The following GBF1 variants were observed in gnomAD, a reference collection of about 807,000 sequenced individuals.
GBF1 encodes the protein Golgi-specific brefeldin A-resistance guanine nucleotide exchange factor 1.
Under a neutral mutation model 210.5 loss-of-function variants are expected in GBF1, and 114 were observed. The observed-to-expected ratio is 0.54, with a 90% CI of 0.47 to 0.63. The LOEUF (loss-of-function observed/expected upper bound fraction) is 0.63, where lower values mean the gene tolerates loss of function less well. Ranked by LOEUF, GBF1 falls within the 30% of genes least tolerant of loss-of-function variation. GBF1 has a pLI of 0.00. For synonymous variants in GBF1, 850 were observed against 889.2 expected (o/e 0.96, Z 0.78); for missense variants, 1,851 against 2,357.7 (o/e 0.79, Z 4.45).
rs761438996 is a variant in GBF1 at position 102,376,716 on chromosome 10, C to T, written c.4204C>T (p.Arg1402Cys). Residue 1402 changes from arginine (R) to cysteine (C), a missense_variant, in exon 32 of 40, where the codon CGT becomes TGT. Arg to Cys is a radical substitution (Grantham distance 180, BLOSUM62 -3). Transcript: ENST00000369983. The part of the protein sequence containing the change: ...KCVESLSFIV[R>C]DAAHITPDNF... ...TGTGGAATCGCTGTCCTTCATTGTG[C>T]GTGATGCTGCCCACATCACACCTGA... 11 of 1,611,370 alleles carry T rather than the reference C, an allele frequency of 6.8e-6. No homozygotes were observed. The East Asian group carries it at 1.6e-4, about 23-fold the overall frequency.
intron 4 of GBF1, among the ~76,000 whole-genome samples, chr10:102,350,576 C>T (rs2058886898): frequency 6.6e-6 from 1 of 152,108 alleles, no homozygotes; most frequent in Non-Finnish European, 1.5e-5. Flanking sequence ...CTCTTGTTTC[C>T]AGGCCCCTCG....
At chr10:102,268,921 G>A (rs1289662732) in intron 3 of GBF1, among the ~76,000 whole-genome samples, 1 of 152,198 alleles carries the variant, frequency 6.6e-6, no homozygotes, top group Non-Finnish European at 1.5e-5. Context: ...TTTCAGCTCA[G>A]ATCACTTCAT....
intron 17 of GBF1, among the ~76,000 whole-genome samples, chr10:102,364,517 TCTG>T (rs1565165572): frequency 6.6e-6 from 1 of 150,876 alleles, no homozygotes; most frequent in East Asian, 2.0e-4. Context: ...AGCCACCATG[TCTG>T]GCCTGTACTT....
At chr10:102,379,229 A>G (rs2060695316) in intron 33 of GBF1, 55 bp from the exon 34 acceptor site, 2 of 1,548,826 alleles carry the variant, frequency 1.3e-6, no homozygotes, top group African/African-American at 2.7e-5. Flanking sequence ...GGGAGGGGGA[A>G]AGGGATCCAC....
At chr10:102,269,342 A>G (rs1011025583) in intron 3 of GBF1, among the ~76,000 whole-genome samples, 5 of 152,246 alleles carry the variant, frequency 3.3e-5, no homozygotes, top group Non-Finnish European at 5.9e-5. Context: ...ATCAGAGGGC[A>G]ATAAATTGGC....
chr10:102,353,800 G>A, intron 8 of GBF1, 146 bp downstream of exon 8: 1 of 637,850 alleles, frequency 1.6e-6, no homozygotes, highest in Non-Finnish European at 2.8e-6. Flanking sequence ...CTCCTTTCGT[G>A]AGAAATGTAT....
chr10:102,361,964 C>T (rs2059627596), intron 14 of GBF1, 52 bp downstream of exon 14: 1 of 1,105,296 alleles, frequency 9.0e-7, no homozygotes, highest in Non-Finnish European at 1.3e-6. Context: ...TAAAGGAAAT[C>T]TCCCTGGTGG....
At chr10:102,368,922 C>A in intron 23 of GBF1, 90 bp downstream of exon 23, 1 of 880,128 alleles carries the variant, frequency 1.1e-6, no homozygotes, top group Non-Finnish European at 1.8e-6. Context: ...GACCTGGTTG[C>A]CCTCAGCGTC....
upstream of GBF1, chr10:102,241,607 T>A (rs990072048): frequency 6.6e-6 from 1 of 152,362 alleles, no homozygotes; most frequent in Non-Finnish European, 1.5e-5. The surrounding 1 kb of genome is among the most constrained non-coding windows in gnomAD (Gnocchi z 6.7). Context: ...CCTTTCCAGC[T>A]GCCCTGCTGG....
chr10:102,234,081 G>A, the GBF1 span, among the ~76,000 whole-genome samples: 1 of 152,202 alleles, frequency 6.6e-6, no homozygotes, highest in Non-Finnish European at 1.5e-5. Context: ...CCATTAACAG[G>A]GGCTTAATGC....
At position 102,382,269 on chromosome 10, in the gene GBF1, C is replaced by T. The variant is rs764166299; in HGVS notation, c.5516C>T (p.Thr1839Ile). ...IILNPALIEA[T>I]SPVPLLATPR... ...CTCAACCCTGCGCTCATCGAGGCCA[C>T]CTCACCAGTGCCCCTCCTGGCCACA... Residue 1839 changes from threonine to isoleucine, a missense_variant, in exon 40 of 40, where the codon ACC becomes ATC. By Grantham distance (89) the Thr-to-Ile change is moderately conservative. Transcript: ENST00000369983. The T allele has an allele frequency of 1.2e-6, 2 of 1,614,100 alleles. No homozygotes were observed. Among genetic ancestry groups the T allele is most frequent in the Non-Finnish European group, 1.7e-6 (2 of 1,179,958 alleles).
chr10:102,276,323 G>A (rs940918108), intron 3 of GBF1, among the ~76,000 whole-genome samples: 4 of 151,712 alleles, frequency 2.6e-5, no homozygotes, highest in Non-Finnish European at 5.9e-5. Context: ...TCAGGAGATC[G>A]AGACCATCCT....
chr10:102,302,387 A>G (rs978608668), intron 3 of GBF1, among the ~76,000 whole-genome samples: 4 of 152,308 alleles, frequency 2.6e-5, no homozygotes, highest in Non-Finnish European at 1.5e-5. Flanking sequence ...CTATATCTCA[A>G]TATATAAGGG....
rs147143351 is a variant in GBF1, at chr10:102,299,545, C to T, written c.163+39429C>T. Among the ~76,000 whole-genome samples the T allele has an allele frequency of 9.1e-4, 139 of 152,194 alleles. 1 individual carries two copies. Among genetic ancestry groups the T allele is most frequent in the African/African-American group, 2.7e-3 (113 of 41,534 alleles). On this transcript the variant is annotated intron_variant, in intron 3 of 39. Coordinates refer to ENST00000369983, the MANE Select transcript of GBF1 (RefSeq NM_001377137.1). ...TGCCTGTAATCCCAGCACTTTGGGA[C>T]GCAGAGGCGGGTGGATTACCTGAGT...
At chr10:102,351,403 T>A in intron 5 of GBF1, 29 bp downstream of exon 5, 2 of 1,175,956 alleles carry the variant, frequency 1.7e-6, no homozygotes, top group Non-Finnish European at 2.6e-6. Flanking sequence ...GCAATTAGGC[T>A]AATGGCCAGG....
intron 3 of GBF1, among the ~76,000 whole-genome samples, chr10:102,278,261 A>G (rs947506720): frequency 1.3e-5 from 2 of 151,722 alleles, no homozygotes; most frequent in African/African-American, 4.8e-5. Flanking sequence ...ACAAAAAAAC[A>G]TTAAACAAAA....
At chr10:102,256,438 CAT>C (rs1404042518) in intron 1 of GBF1, among the ~76,000 whole-genome samples, 2 of 151,410 alleles carry the variant, frequency 1.3e-5, no homozygotes, top group African/African-American at 4.9e-5. Flanking sequence ...GCCTCAAGGA[CAT>C]AAATTATATA....
chr10:102,239,067 G>A, the GBF1 span, among the ~76,000 whole-genome samples: 2 of 152,128 alleles, frequency 1.3e-5, no homozygotes, highest in Non-Finnish European at 2.9e-5. Context: ...TGCATATCTA[G>A]GTCTTTTATT....
At position 102,370,749 on chromosome 10, in the gene GBF1, A is replaced by G. The variant is rs1367612118; in HGVS notation, c.3549A>G (p.Leu1183=). 3.1e-6 allele frequency: 5 copies of G among 1,613,926 alleles called. No homozygotes were observed. Among genetic ancestry groups the G allele is most frequent in the South Asian group, 2.2e-5 (2 of 91,086 alleles). Residue 1183 remains leucine, a synonymous_variant, in exon 29 of 40, where the codon CTA becomes CTG. Transcript: ENST00000369983. ...GCVWQTVRDH[L]YHLCVQAQDF... is the part of the protein sequence containing the mutation. Reference sequence around the variant, plus strand: ...TGTGGCAGACTGTTCGAGACCATCTATACCACCTCTGTGTTCAGGCACAAG... The same window carrying G: ...TGTGGCAGACTGTTCGAGACCATCTGTACCACCTCTGTGTTCAGGCACAAG...
Sources: gnomAD v4.1 joint callset for allele counts (sites outside exome capture counted in the v4.1 genomes callset) on GRCh38, gnomAD v4.1.1 for gene constraint, Gnocchi (gnomAD v3.1) non-coding constraint, MANE v1.5 for transcripts, NCBI Gene and HGNC (gene_info 2026-07-23, HGNC 2026-07-21) for gene names.